GRIN1: variants seen among roughly 807,000 people sequenced by gnomAD.
The protein encoded by GRIN1 is glutamate ionotropic receptor NMDA type subunit 1, also known as glutamate receptor ionotropic, NMDA 1.
Under a neutral mutation model 103.0 loss-of-function variants are expected in GRIN1, and 38 were observed. The ratio of observed to expected loss-of-function variants is 0.37; its 90% CI spans 0.28 to 0.48. The LOEUF (loss-of-function observed/expected upper bound fraction) is 0.48, where lower values mean the gene tolerates loss of function less well. GRIN1 is among the 20% of genes least tolerant of loss of function. The pLI is 0.98. For synonymous variants in GRIN1, 544 were observed against 532.7 expected, an observed-to-expected ratio of 1.02 and a Z score of -0.29; for missense variants, 577 against 1,288.9, an observed-to-expected ratio of 0.45 and a Z score of 8.46.
Position 137,167,424 on chromosome 9 carries a change from G to A in GRIN1, c.2714G>A (p.Gly905Glu). Residue 905 changes from glycine to glutamate, a missense_variant, in exon 20 of 20, where the codon GGA becomes GAA. Transcript: ENST00000371561. ...TCTTATTTATAGAGCACCGGGGGTG[G>A]ACGCGGCGCTTTGCAAAACCAAAAA... ...RSSKDTSTGG[G>E]RGALQNQKDT... The A allele has an allele frequency of 6.4e-7, 1 of 1,559,596 alleles. No homozygotes were observed. Among genetic ancestry groups the A allele is most frequent in the Non-Finnish European group, 8.7e-7 (1 of 1,151,774 alleles).
chr9:137,158,818 G>A, intron 8 of GRIN1, 114 bp downstream of exon 8: 2 of 798,954 alleles, frequency 2.5e-6, no homozygotes, highest in Non-Finnish European at 4.4e-6. Flanking sequence ...AAGGAAGTGG[G>A]GGTGGGGCCT....
chr9:137,143,575 G>GT, intron 2 of GRIN1, among the ~76,000 whole-genome samples: 1 of 152,354 alleles, frequency 6.6e-6, no homozygotes, highest in East Asian at 1.9e-4. Context: ...AAAGGGAGGG[G>GT]GCACAGCTCA....
In GRIN1 at chr9:137,168,714, C is replaced by G. The variant is rs758682783; in HGVS notation, c.*1187C>G. The G allele has an allele frequency of 7.8e-6, 5 of 637,360 alleles. No individual in the cohort carries two copies. Among genetic ancestry groups the G allele is most frequent in the Non-Finnish European group, 2.2e-6 (1 of 456,710 alleles). 39.5% of individuals were successfully genotyped at this position (637,360 alleles called of 1,614,324 possible). ...CAGGCGCGCACCGCCCAACCCCCAC[C>G]TCCCGGTGTATGCAGTGGTGATGCC... On this transcript the variant is annotated 3_prime_UTR_variant, in exon 20 of 20. Coordinates refer to ENST00000371561, the MANE Select transcript of GRIN1 (RefSeq NM_007327.4).
chr9:137,165,131 G>A, intron 18 of GRIN1, 55 bp from the exon 19 acceptor site: 1 of 1,252,726 alleles, frequency 8.0e-7, no homozygotes, highest in Non-Finnish European at 1.2e-6. Flanking sequence ...GAGCAGGCGA[G>A]GGCAGGTGTG....
At chr9:137,158,808 A>T (rs1833375812) in intron 8 of GRIN1, 104 bp downstream of exon 8, 1 of 852,460 alleles carries the variant, frequency 1.2e-6, no homozygotes, top group Admixed American at 1.8e-5. Context: ...AAAGCCACTA[A>T]AGGAAGTGGG....
intron 6 of GRIN1, 55 bp from the exon 7 acceptor site, chr9:137,158,324 G>T: frequency 6.3e-7 from 1 of 1,587,508 alleles, no homozygotes; most frequent in South Asian, 1.1e-5. Flanking sequence ...AAGGAGCAGG[G>T]AGGAGCAGGA....
chr9:137,144,717 A>G, intron 2 of GRIN1, among the ~76,000 whole-genome samples: 1 of 127,700 alleles, frequency 7.8e-6, no homozygotes, highest in East Asian at 2.4e-4. Context: ...GGGTCTAGAA[A>G]GTGTCCCCAG....
chr9:137,144,460 C>T (rs1029779214), intron 2 of GRIN1, among the ~76,000 whole-genome samples: 8 of 151,876 alleles, frequency 5.3e-5, no homozygotes, highest in Non-Finnish European at 1.0e-4. Flanking sequence ...CGAGACCATC[C>T]TGGCTAATAC....
intron 19 of GRIN1, 45 bp from the exon 20 acceptor site, chr9:137,167,366 G>C: frequency 2.1e-6 from 3 of 1,456,556 alleles, no homozygotes; most frequent in Non-Finnish European, 2.8e-6. Context: ...GGTCCCTGGC[G>C]GCCGGCGGGG....
chr9:137,164,277 A>C, intron 18 of GRIN1: 3 of 344,386 alleles, frequency 8.7e-6, no homozygotes, highest in East Asian at 7.6e-5. Context: ...CCCTCCGCCG[A>C]CCCAAGCCCC....
rs1381573363 is a variant in GRIN1, at chr9:137,145,665, C to A, written c.394-61C>A. 17 of 938,536 alleles carry A rather than the reference C, an allele frequency of 1.8e-5. No homozygotes were observed. In the South Asian group the frequency reaches 3.1e-4, roughly 17 times the overall value. 58.1% of individuals were successfully genotyped at this position (938,536 alleles called of 1,614,324 possible). A position where few individuals can be genotyped will look rare whatever the true frequency, so the allele number is the denominator to read the frequency against. ...CGGCGGGTGTTCCGGCAGTGGGAGG[C>A]GGGTGGGAGGGCGGGTCCCCGCGGG... On this transcript the variant is annotated intron_variant, in intron 2 of 19. Transcript: ENST00000371561.
chr9:137,160,300 C>T (rs1055367793), intron 8 of GRIN1, among the ~76,000 whole-genome samples: 1 of 152,200 alleles, frequency 6.6e-6, no homozygotes, highest in Non-Finnish European at 1.5e-5. Context: ...GGTGCAGGGT[C>T]GGCTTTGTGG....
chr9:137,166,757 C>G (rs1197654826), intron 19 of GRIN1, among the ~76,000 whole-genome samples: 1 of 152,264 alleles, frequency 6.6e-6, no homozygotes, highest in Non-Finnish European at 1.5e-5. Context: ...GCCACCTCTG[C>G]TGCGGAAAGC....
rs1161768105 is a variant in GRIN1 at position 137,142,021 on chromosome 9, CA to C, written c.268del (p.Ile90SerfsTer2). On this transcript the variant is annotated frameshift_variant, in exon 2 of 20. Transcript: ENST00000371561. LOFTEE classifies it high-confidence loss of function. ...EDLISSQVYAILVSHPPTPND... is the reference protein window; with the variant it reads ...EDLISSQVYAXLVSHPPTPND... ...GTCTCCTGTGTCCACAGGTCTACGCCATCCTAGTTAGCCATCCACCTACCCC... is the reference window on the plus strand; with the variant it reads ...GTCTCCTGTGTCCACAGGTCTACGCCTCCTAGTTAGCCATCCACCTACCCC... The C allele has an allele frequency of 1.9e-6, 3 of 1,614,168 alleles. No homozygotes were observed. The highest frequency in any genetic ancestry group is 2.5e-6 in the Non-Finnish European group (3 of 1,180,000).
At chr9:137,155,108 T>C (rs1016672385) in intron 4 of GRIN1, among the ~76,000 whole-genome samples, 2 of 152,274 alleles carry the variant, frequency 1.3e-5, no homozygotes, top group Non-Finnish European at 2.9e-5. Flanking sequence ...TGGTATCAGC[T>C]ATTTCCATAA....
chr9:137,162,354 C>T (rs1833606203), intron 12 of GRIN1, 50 bp from the exon 13 acceptor site: 25 of 1,532,556 alleles, frequency 1.6e-5, no homozygotes, highest in Non-Finnish European at 1.9e-5. Flanking sequence ...AGGGGCGGGG[C>T]AGGGCCGCCT....
intron 1 of GRIN1, 68 bp from the exon 2 acceptor site, chr9:137,141,945 A>T: frequency 6.4e-7 from 1 of 1,567,874 alleles, no homozygotes; most frequent in East Asian, 2.2e-5. Context: ...CTGCTTCCAG[A>T]TCTCAGCCTC....
chr9:137,155,873 A>C (rs1833188660), intron 4 of GRIN1, among the ~76,000 whole-genome samples: 1 of 152,220 alleles, frequency 6.6e-6, no homozygotes, highest in South Asian at 2.1e-4. Flanking sequence ...TGCAGGCCCC[A>C]GGCCTGGGTG....
intron 10 of GRIN1, 138 bp downstream of exon 10, chr9:137,161,554 T>C: frequency 2.2e-6 from 1 of 455,438 alleles, no homozygotes. Context: ...GAGCGGAGCC[T>C]GCGGGCTGGG....
Sources: gnomAD v4.1 joint callset for allele counts (sites outside exome capture counted in the v4.1 genomes callset) on GRCh38, gnomAD v4.1.1 for gene constraint, MANE v1.5 for transcripts, NCBI Gene and HGNC (gene_info 2026-07-23, HGNC 2026-07-21) for gene names.